Variants in RPSA2 observed in about 807,000 individuals in gnomAD.
The protein encoded by RPSA2 is small ribosomal subunit protein uS2B.
chr19:23,794,844 A>G, the RPSA2 span, among the ~76,000 whole-genome samples: 1 of 152,156 alleles, frequency 6.6e-6, no homozygotes, highest in South Asian at 2.1e-4. Context: ...CCTTTAATTA[A>G]TGTTGAGTTG....
chr19:23,847,266 A>AATTT, the RPSA2 span, among the ~76,000 whole-genome samples: 2 of 150,894 alleles, frequency 1.3e-5, no homozygotes, highest in African/African-American at 2.4e-5. Flanking sequence ...TCATACTCTA[A>AATTT]ATTTATTTAT....
At chr19:23,802,363 G>T in the RPSA2 span, among the ~76,000 whole-genome samples, 3 of 152,294 alleles carry the variant, frequency 2.0e-5, no homozygotes, top group Non-Finnish European at 4.4e-5. Context: ...AGGAGATCCA[G>T]GTTCTGGAGC....
the RPSA2 span, among the ~76,000 whole-genome samples, chr19:23,835,811 T>A: frequency 6.6e-6 from 1 of 152,024 alleles, no homozygotes; most frequent in Non-Finnish European, 1.5e-5. Context: ...TTTTTGTATT[T>A]TCACTACAGA....
chr19:23,870,754 T>C, the RPSA2 span, among the ~76,000 whole-genome samples: 2 of 152,204 alleles, frequency 1.3e-5, no homozygotes, highest in Non-Finnish European at 2.9e-5. Context: ...CTGCCCAACC[T>C]GGCCTTACAT....
chr19:23,802,083 C>T, the RPSA2 span, among the ~76,000 whole-genome samples: 1 of 152,210 alleles, frequency 6.6e-6, no homozygotes, highest in African/African-American at 2.4e-5. Flanking sequence ...AGAAAACCAA[C>T]AGGAGGCATT....
At chr19:23,819,267 G>A in the RPSA2 span, 10 of 152,192 alleles carry the variant, frequency 6.6e-5, no homozygotes, top group Middle Eastern at 3.2e-3. Context: ...AGCTTCCACC[G>A]TGTGTAGACT....
At chr19:23,864,140 C>T in the RPSA2 span, among the ~76,000 whole-genome samples, 1 of 152,182 alleles carries the variant, frequency 6.6e-6, no homozygotes, top group Admixed American at 6.5e-5. Flanking sequence ...AGCATAGATC[C>T]CTATCTCACA....
the RPSA2 span, among the ~76,000 whole-genome samples, chr19:23,867,445 T>C: frequency 1.1e-4 from 16 of 152,214 alleles, no homozygotes; most frequent in Admixed American, 3.9e-4. Flanking sequence ...GGATTTAAAA[T>C]GTCAAAGGAC....
chr19:23,770,332 T>A, the RPSA2 span, among the ~76,000 whole-genome samples: 1 of 152,224 alleles, frequency 6.6e-6, no homozygotes, highest in Non-Finnish European at 1.5e-5. Flanking sequence ...AAGCCCTGCA[T>A]GCATTGTGTG....
the RPSA2 span, among the ~76,000 whole-genome samples, chr19:23,847,068 T>C: frequency 6.6e-6 from 1 of 152,148 alleles, no homozygotes; most frequent in African/African-American, 2.4e-5. Context: ...TCTCTCCTTA[T>C]TTTTGTCTCA....
the RPSA2 span, chr19:23,832,817 G>A: frequency 1.3e-6 from 2 of 1,577,826 alleles, no homozygotes; most frequent in South Asian, 2.2e-5. Flanking sequence ...TGTGAAGAAT[G>A]TGGCAAAGCT....
At chr19:23,830,050 G>GGT in the RPSA2 span, among the ~76,000 whole-genome samples, 6 of 14,880 alleles carry the variant, frequency 4.0e-4, no homozygotes, top group African/African-American at 8.1e-4. Flanking sequence ...TACTTTGGAA[G>GGT]GTTTTTTTTT....
the RPSA2 span, among the ~76,000 whole-genome samples, chr19:23,852,400 T>C: frequency 1.3e-5 from 2 of 152,142 alleles, no homozygotes; most frequent in African/African-American, 2.4e-5. Flanking sequence ...ATCAGGGGTC[T>C]CACAGCCTTC....
chr19:23,782,180 C>G, the RPSA2 span: 13 of 152,326 alleles, frequency 8.5e-5, no homozygotes, highest in Admixed American at 6.5e-5. Flanking sequence ...CACCAATCAC[C>G]CTGGAAATGT....
chr19:23,830,766 GA>G, the RPSA2 span, among the ~76,000 whole-genome samples: 26 of 151,624 alleles, frequency 1.7e-4, no homozygotes, highest in Admixed American at 4.6e-4. Flanking sequence ...TTATACCTCT[GA>G]TTTTTTTTAT....
the RPSA2 span, among the ~76,000 whole-genome samples, chr19:23,843,381 G>T: frequency 2.2e-4 from 33 of 152,154 alleles, no homozygotes; most frequent in Non-Finnish European, 4.4e-4. Flanking sequence ...CAATGGAAAG[G>T]TTCCTAAAAA....
At chr19:23,843,722 T>G in the RPSA2 span, among the ~76,000 whole-genome samples, 7,318 of 152,216 alleles carry the variant, frequency 0.048, 323 homozygotes, top group South Asian at 0.079. Flanking sequence ...ACATGTTACT[T>G]GTTATTTATC....
chr19:23,804,591 G>C, the RPSA2 span, among the ~76,000 whole-genome samples: 1 of 152,118 alleles, frequency 6.6e-6, no homozygotes, highest in East Asian at 1.9e-4. Flanking sequence ...CACCGCGTCC[G>C]GCCTGTGCCT....
At chr19:23,784,259 C>T in the RPSA2 span, among the ~76,000 whole-genome samples, 1 of 152,210 alleles carries the variant, frequency 6.6e-6, no homozygotes, top group Non-Finnish European at 1.5e-5. Flanking sequence ...TAGAGAATGT[C>T]ATAACAGGGT....
Sources: gnomAD v4.1 joint callset for allele counts (sites outside exome capture counted in the v4.1 genomes callset) on GRCh38, gnomAD v4.1.1 for gene constraint, MANE v1.5 for transcripts, NCBI Gene and HGNC (gene_info 2026-07-23, HGNC 2026-07-21) for gene names.